WWC2: variants seen among roughly 807,000 people sequenced by gnomAD.
The protein encoded by WWC2 is protein WWC2.
WWC2 carries 101 observed loss-of-function variants against 138.5 expected under a neutral mutation model. The ratio of observed to expected loss-of-function variants is 0.73; its 90% CI spans 0.62 to 0.86. The LOEUF (loss-of-function observed/expected upper bound fraction) is 0.86. Among genes scored for constraint, WWC2 ranks in the 40% least tolerant of loss-of-function variants. The pLI is 0.00. For missense variants in WWC2, 1,420 were observed against 1,419.4 expected (o/e 1.00, Z -0.01); for synonymous variants, 558 against 538.4 (o/e 1.04, Z -0.50).
chr4:183,239,756 C>T (rs1023789717), intron 4 of WWC2, among the ~76,000 whole-genome samples: 2 of 152,026 alleles, frequency 1.3e-5, no homozygotes, highest in Non-Finnish European at 2.9e-5. Flanking sequence ...GAGTCAACTG[C>T]GGGAGATCTG....
At chr4:183,154,027 A>G in intron 1 of WWC2, among the ~76,000 whole-genome samples, 1 of 145,768 alleles carries the variant, frequency 6.9e-6, no homozygotes, top group South Asian at 2.1e-4. Flanking sequence ...AAAAAAAAAA[A>G]ACCCCAAATC....
chr4:183,288,970 G>A (rs1392378892), intron 20 of WWC2, among the ~76,000 whole-genome samples: 1 of 152,194 alleles, frequency 6.6e-6, no homozygotes, highest in African/African-American at 2.4e-5. Context: ...CAATCAGTTG[G>A]TCAGGCTAAG....
intron 4 of WWC2, among the ~76,000 whole-genome samples, chr4:183,234,455 C>T (rs1736352481): frequency 6.6e-6 from 1 of 152,154 alleles, no homozygotes; most frequent in South Asian, 2.1e-4. Flanking sequence ...CAGTGGGATA[C>T]AGGAATAATG....
At chr4:183,121,887 ACCATTCT>A (rs1732610577) in intron 1 of WWC2, among the ~76,000 whole-genome samples, 1 of 150,190 alleles carries the variant, frequency 6.7e-6, no homozygotes, top group Middle Eastern at 3.2e-3. Flanking sequence ...CTGGGTGCAC[ACCATTCT>A]CCTGCCTCAG....
intron 2 of WWC2, among the ~76,000 whole-genome samples, chr4:183,197,869 T>C (rs748127611): frequency 6.6e-6 from 1 of 152,196 alleles, no homozygotes; most frequent in Non-Finnish European, 1.5e-5. Context: ...ACAAACTTTG[T>C]CCGTCACCCT....
chr4:183,290,336 G>T (rs1738407195), intron 21 of WWC2, among the ~76,000 whole-genome samples: 1 of 152,062 alleles, frequency 6.6e-6, no homozygotes, highest in African/African-American at 2.4e-5. Flanking sequence ...CCAAGATGCT[G>T]AAACCTCGTC....
At chr4:183,104,575 C>T (rs1417670088) in intron 1 of WWC2, among the ~76,000 whole-genome samples, 2 of 152,102 alleles carry the variant, frequency 1.3e-5, no homozygotes, top group Non-Finnish European at 2.9e-5. Flanking sequence ...TGGAATTGTT[C>T]CTCTCCAGCA....
chr4:183,120,046 A>G (rs1732550425), intron 1 of WWC2, among the ~76,000 whole-genome samples: 1 of 152,194 alleles, frequency 6.6e-6, no homozygotes, highest in Admixed American at 6.5e-5. Flanking sequence ...AAGACATCAG[A>G]AGGGATATCC....
chr4:183,148,842 C>T (rs893696442), intron 1 of WWC2, among the ~76,000 whole-genome samples: 1 of 152,102 alleles, frequency 6.6e-6, no homozygotes, highest in Non-Finnish European at 1.5e-5. Flanking sequence ...TAGGAATGGA[C>T]CCAGCCGGGC....
At chr4:183,208,789 A>G (rs1327249175) in intron 3 of WWC2, among the ~76,000 whole-genome samples, 160 bp from the exon 4 acceptor site, 1 of 152,198 alleles carries the variant, frequency 6.6e-6, no homozygotes, top group Non-Finnish European at 1.5e-5. Flanking sequence ...GTTTGAAGAT[A>G]ACTTTTTATA....
At chr4:183,180,404 GT>G (rs1194642602) in intron 1 of WWC2, among the ~76,000 whole-genome samples, 6 of 152,152 alleles carry the variant, frequency 3.9e-5, no homozygotes, top group Non-Finnish European at 4.4e-5. Context: ...CTTCTTAGAT[GT>G]TTAGTATTCG....
intron 1 of WWC2, among the ~76,000 whole-genome samples, chr4:183,141,845 CTGTT>C (rs1426178987): frequency 3.3e-5 from 5 of 152,152 alleles, no homozygotes; most frequent in African/African-American, 1.2e-4. Flanking sequence ...TAACAAATGT[CTGTT>C]TGTCCTGCTG....
intron 1 of WWC2, among the ~76,000 whole-genome samples, chr4:183,157,886 T>C (rs1190103784): frequency 6.6e-6 from 1 of 151,776 alleles, no homozygotes; most frequent in Non-Finnish European, 1.5e-5. Flanking sequence ...TCAAAGAAGG[T>C]CTCCTTTTCT....
Position 183,209,871 on chromosome 4 carries a change from T to C in WWC2, c.522+846T>C, listed in dbSNP as rs115163857. Among the ~76,000 whole-genome samples, 444 of 152,326 alleles carry C rather than the reference T, an allele frequency of 2.9e-3. 2 individuals carry two copies. Among genetic ancestry groups the C allele is most frequent in the African/African-American group, 0.01 (429 of 41,568 alleles). ...AACTCATGTAACCAATACCCCCTGGTCATGAACTAGGTTATTACCGTGATT... is the reference window on the plus strand; with the variant it reads ...AACTCATGTAACCAATACCCCCTGGCCATGAACTAGGTTATTACCGTGATT... On this transcript the variant is annotated intron_variant, in intron 4 of 22. Transcript: ENST00000403733.
chr4:183,147,666 A>G (rs1733499858), intron 1 of WWC2, among the ~76,000 whole-genome samples: 1 of 152,234 alleles, frequency 6.6e-6, no homozygotes, highest in African/African-American at 2.4e-5. Flanking sequence ...TCAAGCTGAA[A>G]TGTTACAGAA....
intron 22 of WWC2, among the ~76,000 whole-genome samples, chr4:183,313,562 AC>A (rs2111126169): frequency 6.6e-6 from 1 of 152,136 alleles, no homozygotes; most frequent in East Asian, 1.9e-4. Context: ...TGACCAGTAG[AC>A]AAGTGGAAAT....
intron 1 of WWC2, among the ~76,000 whole-genome samples, chr4:183,141,975 A>T (rs1200738986): frequency 6.6e-6 from 1 of 152,242 alleles, no homozygotes; most frequent in Non-Finnish European, 1.5e-5. Flanking sequence ...TAAGTAACAG[A>T]CAAAGAAATA....
At chr4:183,101,059 A>C (rs1266646258) in intron 1 of WWC2, among the ~76,000 whole-genome samples, 1 of 152,230 alleles carries the variant, frequency 6.6e-6, no homozygotes, top group African/African-American at 2.4e-5. Flanking sequence ...TGTGCACCCA[A>C]CTGCGGCTTT....
intron 2 of WWC2, among the ~76,000 whole-genome samples, chr4:183,198,789 TAAAAAAAA>T (rs56182831): frequency 4.1e-5 from 3 of 72,330 alleles, no homozygotes; most frequent in African/African-American, 1.2e-4. Context: ...CTCGTCTCTT[TAAAAAAAA>T]AAAAAAAAAA....
Sources: allele counts gnomAD v4.1 joint callset (sites outside exome capture counted in the v4.1 genomes callset), GRCh38; gene constraint gnomAD v4.1.1; transcripts MANE v1.5; gene names NCBI Gene and HGNC (gene_info 2026-07-23, HGNC 2026-07-21).